KANK4: variants seen among roughly 807,000 people sequenced by gnomAD.
KANK4 encodes KN motif and ankyrin repeat domain-containing protein 4.
A neutral mutation model predicts 80.8 loss-of-function variants in KANK4; 50 were observed. The observed-to-expected ratio is 0.62, with a 90% CI of 0.49 to 0.78. The LOEUF (loss-of-function observed/expected upper bound fraction) is 0.78, where lower values mean the gene tolerates loss of function less well. Among genes scored for constraint, KANK4 ranks in the 30% least tolerant of loss-of-function variants. The probability of loss-of-function intolerance (pLI) is 0.00; values close to 1 mark genes in which losing one functional copy is unlikely to be tolerated. For missense variants in KANK4, 1,196 were observed against 1,240.1 expected, an observed-to-expected ratio of 0.96 and a Z score of 0.53; for synonymous variants, 465 against 506.9, an observed-to-expected ratio of 0.92 and a Z score of 1.11.
chr1:62,238,435 T>TG (rs1377958087), intron 9 of KANK4, 54 bp from the exon 10 acceptor site: 1 of 1,536,348 alleles, frequency 6.5e-7, no homozygotes, highest in Non-Finnish European at 9.0e-7. Flanking sequence ...GCCTCCTGCC[T>TG]GGGGGAGAAG....
intron 6 of KANK4, among the ~76,000 whole-genome samples, chr1:62,266,204 T>A (rs1293116789): frequency 6.6e-6 from 1 of 152,232 alleles, no homozygotes; most frequent in Admixed American, 6.5e-5. Context: ...TGCATATCCA[T>A]GGGCTCCACT....
chr1:62,312,218 T>A (rs1167533772), intron 1 of KANK4, among the ~76,000 whole-genome samples: 2 of 152,186 alleles, frequency 1.3e-5, no homozygotes, highest in African/African-American at 4.8e-5. Flanking sequence ...GTATAGTAAC[T>A]ACTATAAATA....
intron 1 of KANK4, among the ~76,000 whole-genome samples, chr1:62,317,850 T>C (rs1171441047): frequency 6.6e-6 from 1 of 152,228 alleles, no homozygotes; most frequent in African/African-American, 2.4e-5. Context: ...TGTTCACTTC[T>C]GTACCTCACT....
Position 62,274,273 on chromosome 1 carries a change from G to C in KANK4, c.831C>G (p.Phe277Leu). The change falls in exon 3 of 10, where the codon TTC becomes TTG. Residue 277 changes from phenylalanine (F) to leucine (L), a missense_variant. Physicochemically the swap from Phe to Leu is conservative, Grantham distance 22. Coordinates refer to ENST00000371153, the MANE Select transcript of KANK4 (RefSeq NM_181712.5). The part of the protein sequence containing the change: ...EHNAREAEVL[F>L]TPGSPTPSPP... ...GGCTTGGCGTAGGGGAGCCAGGGGT[G>C]AACAACACCTCTGCTTCTCTGGCAT... is the stretch of plus-strand genomic sequence containing the variant. 1 of 1,614,074 alleles carries C rather than the reference G, an allele frequency of 6.2e-7. No homozygotes were observed. Among genetic ancestry groups the C allele is most frequent in the African/African-American group, 1.3e-5 (1 of 75,044 alleles).
rs138766408 is a variant in KANK4 at position 62,257,718 on chromosome 1, G to C, written c.2540-4509C>G. 3.0e-3 allele frequency among the ~76,000 whole-genome samples: 461 copies of C among 151,774 alleles called. 2 individuals carry two copies. The highest frequency in any genetic ancestry group is 0.011 in the African/African-American group (447 of 41,428). On this transcript the variant is annotated intron_variant, in intron 7 of 9. Coordinates refer to ENST00000371153, the MANE Select transcript of KANK4 (RefSeq NM_181712.5). ...TCCTCAATATCCCTTCTACAGAAGA[G>C]AGAAAGTAACGACTCTCTCAACCCA...
Position 62,277,397 on chromosome 1 carries a change from C to T in KANK4, c.17-2310G>A, listed in dbSNP as rs536146841. Among the ~76,000 whole-genome samples, 33 of 152,268 alleles carry T rather than the reference C, an allele frequency of 2.2e-4. No individual in the cohort carries two copies. The South Asian group carries it at 5.0e-3, about 23-fold the overall frequency. On this transcript the variant is annotated intron_variant, in intron 2 of 9. Coordinates refer to ENST00000371153, the MANE Select transcript of KANK4 (RefSeq NM_181712.5). ...AATTTATCTTCAAGATGACCACCAC[C>T]AATTCCTACCCCCTTTGGACAAGCA... is the stretch of plus-strand genomic sequence containing the variant.
chr1:62,275,097 A>T lies in KANK4; in HGVS notation c.17-10T>A. 6.4e-7 allele frequency: 1 copy of T among 1,570,360 alleles called. No individual in the cohort carries two copies. Among genetic ancestry groups the T allele is most frequent in the Non-Finnish European group, 8.6e-7 (1 of 1,160,348 alleles). The stretch of plus-strand genomic sequence containing the variant: ...GAGGACTGGTCTTTGGCTGGGAGAC[A>T]TAAGACAAGTTAAAAAAAAAAAGCA... On this transcript the variant is annotated splice_polypyrimidine_tract_variant and intron_variant, in intron 2 of 9. Coordinates refer to ENST00000371153, the MANE Select transcript of KANK4 (RefSeq NM_181712.5).
chr1:62,310,379 G>A (rs1644488375), intron 1 of KANK4, among the ~76,000 whole-genome samples: 1 of 152,152 alleles, frequency 6.6e-6, no homozygotes, highest in Non-Finnish European at 1.5e-5. Context: ...GCCAAGGTAG[G>A]ATGCAGGGAG....
intron 1 of KANK4, among the ~76,000 whole-genome samples, chr1:62,300,838 T>A (rs1644406000): frequency 6.6e-6 from 1 of 152,058 alleles, no homozygotes; most frequent in Non-Finnish European, 1.5e-5. Context: ...AATGAACAAC[T>A]GACTTCAAGA....
At chr1:62,284,445 T>TAGCTGGGATTACGGTCGC (rs1557497204) in intron 1 of KANK4, among the ~76,000 whole-genome samples, 1 of 152,092 alleles carries the variant, frequency 6.6e-6, no homozygotes, top group Non-Finnish European at 1.5e-5. Flanking sequence ...GCCTCCCGAG[T>TAGCTGGGATTACGGTCGC]AGCTGGGATT....
In KANK4 at chr1:62,236,593, A is replaced by ATTTTTTT. The variant is rs11449212; in HGVS notation, c.*1677_*1683dup. ...ATGGCCTTAATGGGTTACAAATTGG[A>ATTTTTTT]TTTTTTTTTTTTTTTTTTTTGAGAC... On this transcript the variant is annotated 3_prime_UTR_variant, in exon 10 of 10. Coordinates refer to ENST00000371153, the MANE Select transcript of KANK4 (RefSeq NM_181712.5). Among the ~76,000 whole-genome samples, 3 of 124,396 alleles carry ATTTTTTT rather than the reference A, an allele frequency of 2.4e-5. No homozygotes were observed. Among genetic ancestry groups the ATTTTTTT allele is most frequent in the African/African-American group, 6.2e-5 (2 of 32,248 alleles). The allele number at this position is 124,396 out of a possible 152,430, so 81.6% of individuals were successfully genotyped here.
At chr1:62,268,136 C>G (rs1672069878) in intron 5 of KANK4, 151 bp downstream of exon 5, 1 of 689,982 alleles carries the variant, frequency 1.4e-6, no homozygotes. Flanking sequence ...TTTATTCAAC[C>G]AGTGCACAGT....
chr1:62,290,612 C>T lies in KANK4; in HGVS notation c.-70-8978G>A, dbSNP rs151100923. On this transcript the variant is annotated intron_variant, in intron 1 of 9. Coordinates refer to ENST00000371153, the MANE Select transcript of KANK4 (RefSeq NM_181712.5). ...CCCACAATGTGAAGCAAGGAAAGGG[C>T]AAGGATCATATTTGTTTTCTTTCTC... Among the ~76,000 whole-genome samples, 26 of 152,296 alleles carry T rather than the reference C, an allele frequency of 1.7e-4. No homozygotes were observed. In the East Asian group the frequency reaches 4.6e-3, roughly 27 times the overall value.
intron 2 of KANK4, among the ~76,000 whole-genome samples, chr1:62,277,726 C>T (rs12138544): frequency 0.4 from 60,407 of 152,054 alleles, 12,776 homozygotes; most frequent in African/African-American, 0.53. Context: ...GTTCCAGTCA[C>T]CCTAGCCCAG....
intron 1 of KANK4, among the ~76,000 whole-genome samples, chr1:62,300,881 A>T (rs1471971275): frequency 1.3e-5 from 2 of 152,132 alleles, no homozygotes; most frequent in Non-Finnish European, 2.9e-5. Flanking sequence ...CAGTCTGGCC[A>T]GACTTAATAC....
intron 1 of KANK4, among the ~76,000 whole-genome samples, chr1:62,314,207 T>A (rs1474957970): frequency 2.6e-5 from 4 of 151,972 alleles, no homozygotes; most frequent in Non-Finnish European, 4.4e-5. Context: ...AGAGATGGGG[T>A]TTCTCCATGT....
chr1:62,263,184 A>T lies in KANK4; in HGVS notation c.2447T>A (p.Leu816His), dbSNP rs763712499. ...CCCGTTGTGATCGGCCAAGTTGACA[A>T]GCAGTTTCAGGAAGTGTGGGGAGTG... The part of the protein sequence containing the change: ...QPHSPHFLKL[L>H]VNLADHNGNT... The change falls in exon 7 of 10, where the codon CTT becomes CAT. Residue 816 changes from leucine to histidine, a missense_variant. Around this residue, in one of 3 missense-constraint regions of KANK4, gnomAD observed 1,154 missense variants for 1,179.6 expected, o/e 0.98. Transcript: ENST00000371153. 6.2e-7 allele frequency: 1 copy of T among 1,614,022 alleles called. No individual in the cohort carries two copies. The highest frequency in any genetic ancestry group is 8.5e-7 in the Non-Finnish European group (1 of 1,179,942).
At chr1:62,253,044 G>A (rs1671659120) in intron 8 of KANK4, 23 bp downstream of exon 8, 4 of 1,612,070 alleles carry the variant, frequency 2.5e-6, no homozygotes, top group Admixed American at 1.7e-5. Flanking sequence ...TACTGAAGAG[G>A]AGATCCTGTT....
intron 9 of KANK4, among the ~76,000 whole-genome samples, chr1:62,245,659 T>C (rs1419460155): frequency 2.0e-5 from 3 of 152,160 alleles, no homozygotes; most frequent in Non-Finnish European, 4.4e-5. Flanking sequence ...GACAGTTACA[T>C]AACATCTCCA....
Sources: gnomAD v4.1 joint callset for allele counts (sites outside exome capture counted in the v4.1 genomes callset) on GRCh38, gnomAD v4.1.1 for gene constraint, gnomAD v4.1.1 regional missense constraint, MANE v1.5 for transcripts, NCBI Gene and HGNC (gene_info 2026-07-23, HGNC 2026-07-21) for gene names.